The following F5 variants were observed in gnomAD, a reference collection of about 807,000 sequenced individuals.
The protein encoded by F5 is activated protein c cofactor.
In F5, 138 loss-of-function variants were observed where a neutral mutation model predicts 216.4. That is an observed-to-expected ratio of 0.64 (90% CI 0.56 to 0.73). The LOEUF (loss-of-function observed/expected upper bound fraction) is 0.73, where lower values mean the gene tolerates loss of function less well. F5 is among the 30% of genes least tolerant of loss of function. The pLI, the probability that F5 is intolerant of heterozygous loss-of-function variation, is 0.00. For missense variants in F5, 2,403 were observed against 2,674.0 expected (o/e 0.90, Z 2.24); for synonymous variants, 916 against 930.7 (o/e 0.98, Z 0.29).
chr1:169,585,119 G>A (rs1451579173), intron 1 of F5, among the ~76,000 whole-genome samples: 3 of 152,162 alleles, frequency 2.0e-5, no homozygotes, highest in Non-Finnish European at 4.4e-5. Context: ...GCTTACGGCA[G>A]TTCCCAAAGG....
At position 169,544,165 on chromosome 1, in the gene F5, T is replaced by C. The variant is rs569473715; in HGVS notation, c.1975+131A>G. 2.9e-4 allele frequency: 217 copies of C among 738,032 alleles called. No homozygotes were observed. The African/African-American group carries it at 3.4e-3, about 12-fold the overall frequency. 45.7% of individuals were successfully genotyped at this position (738,032 alleles called of 1,614,324 possible). On this transcript the variant is annotated intron_variant, in intron 12 of 24. Transcript: ENST00000367797. Reference sequence around the variant, plus strand: ...CTCAAAGAGAAATCATGAGAAACATTGAAAGAAAAGCCTGCAGGGGGTCAG... The same window carrying C: ...CTCAAAGAGAAATCATGAGAAACATCGAAAGAAAAGCCTGCAGGGGGTCAG...
intron 3 of F5, 87 bp from the exon 4 acceptor site, chr1:169,560,853 A>G (rs1483059229): frequency 1.5e-5 from 17 of 1,143,152 alleles, no homozygotes; most frequent in Non-Finnish European, 2.1e-5. Context: ...AGCTAAGATG[A>G]GTTCTCTGGA....
intron 8 of F5, among the ~76,000 whole-genome samples, chr1:169,552,243 G>T (rs1294500642): frequency 6.6e-6 from 1 of 152,070 alleles, no homozygotes; most frequent in East Asian, 1.9e-4. Flanking sequence ...TAAAGCTTAG[G>T]ACAAAATTTG....
intron 7 of F5, among the ~76,000 whole-genome samples, chr1:169,553,277 A>G (rs1199187441): frequency 6.6e-6 from 1 of 152,212 alleles, no homozygotes; most frequent in Non-Finnish European, 1.5e-5. Flanking sequence ...CTACTGGGAT[A>G]AATACTTTGG....
At chr1:169,578,757 C>T (rs1479697184) in intron 2 of F5, among the ~76,000 whole-genome samples, 1 of 152,196 alleles carries the variant, frequency 6.6e-6, no homozygotes, top group Non-Finnish European at 1.5e-5. Flanking sequence ...CAACTTCCTA[C>T]TCATAACTAC....
rs543616350 is a variant in F5, at chr1:169,567,476, A to G, written c.373+4745T>C. Among the ~76,000 whole-genome samples the G allele has an allele frequency of 1.8e-4, 28 of 151,916 alleles. No homozygotes were observed. In the South Asian group the frequency reaches 5.6e-3, roughly 30 times the overall value. On this transcript the variant is annotated intron_variant, in intron 3 of 24. Transcript: ENST00000367797. ...AATTTTTGGAGGACACAAACTTCCA[A>G]TCCATTGTAGTGATGTATCTATTCC... is the stretch of plus-strand genomic sequence containing the variant.
At chr1:169,552,811 A>G (rs1384789229) in intron 7 of F5, 77 bp from the exon 8 acceptor site, 7 of 1,100,860 alleles carry the variant, frequency 6.4e-6, no homozygotes, top group Non-Finnish European at 6.9e-6. Context: ...CCTTGTGCTT[A>G]AACATTCTGC....
At chr1:169,582,747 A>G (rs1206826343) in intron 1 of F5, among the ~76,000 whole-genome samples, 1 of 152,232 alleles carries the variant, frequency 6.6e-6, no homozygotes, top group Non-Finnish European at 1.5e-5. Context: ...TTTGTTCACA[A>G]GTTAATCTAC....
chr1:169,571,082 T>G (rs1660711629), intron 3 of F5, among the ~76,000 whole-genome samples: 1 of 152,158 alleles, frequency 6.6e-6, no homozygotes, highest in Non-Finnish European at 1.5e-5. Flanking sequence ...AGTCTGAAAT[T>G]ATTTTAAAAT....
At position 169,514,191 on chromosome 1, in the gene F5, A is replaced by G. The variant is rs1659101571; in HGVS notation, c.*122T>C. The G allele has an allele frequency of 9.5e-7, 1 of 1,050,458 alleles. No individual in the cohort carries two copies. Among genetic ancestry groups the G allele is most frequent in the African/African-American group, 1.6e-5 (1 of 62,380 alleles). The allele number at this position is 1,050,458 out of a possible 1,614,324, so 65.1% of individuals were successfully genotyped here. ...TTCTTGTATAAAATTTTATTCACTA[A>G]TAGAAAAGAAAGAGAAATAGTGGAA... On this transcript the variant is annotated 3_prime_UTR_variant, in exon 25 of 25. Transcript: ENST00000367797.
chr1:169,551,632 G>T (rs2101826592), intron 8 of F5, among the ~76,000 whole-genome samples: 1 of 152,352 alleles, frequency 6.6e-6, no homozygotes, highest in African/African-American at 2.4e-5. Flanking sequence ...AATAGACCTT[G>T]TCAGGTGCAT....
intron 7 of F5, 51 bp downstream of exon 7, chr1:169,555,131 A>G (rs1557923175): frequency 5.0e-6 from 8 of 1,605,084 alleles, no homozygotes; most frequent in Non-Finnish European, 6.8e-6. Context: ...CTAGGACCCT[A>G]TGGAATGTGT....
chr1:169,551,400 T>C lies in F5; in HGVS notation c.1297-661A>G, dbSNP rs147370614. On this transcript the variant is annotated intron_variant, in intron 8 of 24. Coordinates refer to ENST00000367797, the MANE Select transcript of F5 (RefSeq NM_000130.5). Reference sequence around the variant, plus strand: ...AGGAAGTGGAGGTTGCAGTGAGCCATGATCACACCACTGCACTCCAGCCTG... The same window carrying C: ...AGGAAGTGGAGGTTGCAGTGAGCCACGATCACACCACTGCACTCCAGCCTG... Among the ~76,000 whole-genome samples the C allele has an allele frequency of 2.9e-3, 434 of 152,206 alleles. 5 individuals are homozygous for C. The highest frequency in any genetic ancestry group is 9.5e-3 in the African/African-American group (396 of 41,540).
chr1:169,520,624 T>C lies in F5; in HGVS notation c.6089A>G (p.Asn2030Ser). ...GNSDASTIKE[N>S]QFDPPIVARY... ...AGCCACAATAGGTGGGTCAAACTGA[T>C]TCTCTTTTATTGTAGAGGCATCTGA... Residue 2030 changes from asparagine (N) to serine (S), a missense_variant, in exon 22 of 25, where the codon AAT (asparagine) becomes AGT (serine). Transcript: ENST00000367797. 1 of 1,613,948 alleles carries C rather than the reference T, an allele frequency of 6.2e-7. No homozygotes were observed. Among genetic ancestry groups the C allele is most frequent in the Non-Finnish European group, 8.5e-7 (1 of 1,179,882 alleles).
intron 11 of F5, among the ~76,000 whole-genome samples, chr1:169,545,097 G>A (rs1659967293): frequency 1.3e-5 from 2 of 152,242 alleles, no homozygotes; most frequent in Middle Eastern, 3.4e-3. Flanking sequence ...TTCTACAAGG[G>A]CAGGGCTCAT....
In F5 at chr1:169,514,202, A is replaced by C; in HGVS notation, c.*111T>G. ...AATTTTATTCACTAATAGAAAAGAA[A>C]GAGAAATAGTGGAAAACTGTTAACA... is the stretch of plus-strand genomic sequence containing the variant. On this transcript the variant is annotated 3_prime_UTR_variant, in exon 25 of 25. Coordinates refer to ENST00000367797, the MANE Select transcript of F5 (RefSeq NM_000130.5). 2 of 1,154,544 alleles carry C rather than the reference A, an allele frequency of 1.7e-6. No homozygotes were observed. The highest frequency in any genetic ancestry group is 2.6e-6 in the Non-Finnish European group (2 of 783,222). The allele number at this position is 1,154,544 out of a possible 1,614,324, so 71.5% of individuals were successfully genotyped here.
chr1:169,579,123 G>A lies in F5; in HGVS notation c.250+3308C>T, dbSNP rs559764936. On this transcript the variant is annotated intron_variant, in intron 2 of 24. Transcript: ENST00000367797. ...GAAGAGTTATCTATAAGACCCTTGT[G>A]CTTCAGTTTCCTCGCCTTCCATTCA... is the stretch of plus-strand genomic sequence containing the variant. Among the ~76,000 whole-genome samples the A allele has an allele frequency of 2.1e-5, 3 of 146,048 alleles. No homozygotes were observed. In the South Asian group the frequency reaches 6.6e-4, roughly 32 times the overall value.
intron 1 of F5, among the ~76,000 whole-genome samples, chr1:169,583,041 T>G (rs1176076920): frequency 6.6e-6 from 1 of 152,168 alleles, no homozygotes; most frequent in Non-Finnish European, 1.5e-5. Context: ...ATGAAAAAAC[T>G]GTTTTGGAAA....
intron 3 of F5, among the ~76,000 whole-genome samples, chr1:169,562,694 A>G (rs960866115): frequency 1.3e-5 from 2 of 151,988 alleles, no homozygotes; most frequent in African/African-American, 4.8e-5. Context: ...CTTCCTTCAA[A>G]TAATATTATA....
Sources: allele counts gnomAD v4.1 joint callset (sites outside exome capture counted in the v4.1 genomes callset), GRCh38; gene constraint gnomAD v4.1.1; transcripts MANE v1.5; gene names NCBI Gene and HGNC (gene_info 2026-07-23, HGNC 2026-07-21).